The following CIMAP2 variants were observed in gnomAD, a reference collection of about 807,000 sequenced individuals.
The protein encoded by CIMAP2 is ciliary microtubule associated protein 2.
At chr1:54,821,007 G>C in the CIMAP2 span, among the ~76,000 whole-genome samples, 1 of 152,086 alleles carries the variant, frequency 6.6e-6, no homozygotes, top group Non-Finnish European at 1.5e-5. Flanking sequence ...GACCTCAGGT[G>C]ATCCGCCCAC....
chr1:54,831,210 G>A, the CIMAP2 span, among the ~76,000 whole-genome samples: 2 of 152,194 alleles, frequency 1.3e-5, no homozygotes, highest in African/African-American at 4.8e-5. Context: ...ACTTTGTAGA[G>A]TCCTCTATGT....
chr1:54,817,323 G>T, the CIMAP2 span, among the ~76,000 whole-genome samples: 1 of 152,218 alleles, frequency 6.6e-6, no homozygotes, highest in Non-Finnish European at 1.5e-5. Context: ...GGTGGGGCAT[G>T]CTGCGTAACT....
chr1:54,832,894 A>G, the CIMAP2 span, among the ~76,000 whole-genome samples: 1 of 151,902 alleles, frequency 6.6e-6, no homozygotes, highest in East Asian at 1.9e-4. Flanking sequence ...GGGTGTGGTG[A>G]TGTGCACCTG....
the CIMAP2 span, chr1:54,811,765 G>GCCGGGGGGGGGGGGGGGGCCGGCC: frequency 7.7e-7 from 1 of 1,301,332 alleles, no homozygotes; most frequent in Non-Finnish European, 1.1e-6. Context: ...GGTTCTGACA[G>GCCGGGGGGGGGGGGGGGGCCGGCC]CCTCCATGCC....
the CIMAP2 span, chr1:54,811,765 G>GCCGGGGGGGGGGCGGCCCCCCCCCCCCCC: frequency 7.7e-7 from 1 of 1,301,330 alleles, no homozygotes; most frequent in Non-Finnish European, 1.1e-6. Flanking sequence ...GGTTCTGACA[G>GCCGGGGGGGGGGCGGCCCCCCCCCCCCCC]CCTCCATGCC....
chr1:54,811,787 C>T, the CIMAP2 span: 1 of 1,541,158 alleles, frequency 6.5e-7, no homozygotes, highest in Non-Finnish European at 8.9e-7. Context: ...CCACCCCCGC[C>T]CCACAGAACT....
chr1:54,823,124 G>A, the CIMAP2 span, among the ~76,000 whole-genome samples: 316 of 151,762 alleles, frequency 2.1e-3, no homozygotes, highest in African/African-American at 7.3e-3. Flanking sequence ...TCATTTTTTC[G>A]TTGATTTTCT....
the CIMAP2 span, among the ~76,000 whole-genome samples, chr1:54,816,236 C>G: frequency 0.094 from 14,300 of 152,300 alleles, 884 homozygotes; most frequent in Non-Finnish European, 0.13. Context: ...CCTCATGAAA[C>G]AGGCTTCTCC....
At chr1:54,824,466 T>C in the CIMAP2 span, among the ~76,000 whole-genome samples, 1 of 152,206 alleles carries the variant, frequency 6.6e-6, no homozygotes, top group African/African-American at 2.4e-5. Flanking sequence ...TCAGCTATTA[T>C]TTCATTAAAT....
At chr1:54,807,417 G>C in the CIMAP2 span, 6 of 1,333,668 alleles carry the variant, frequency 4.5e-6, no homozygotes, top group South Asian at 9.5e-5. Context: ...GCCACAGGGG[G>C]ATTGCCTACT....
At chr1:54,815,177 G>A in the CIMAP2 span, 4 of 1,289,876 alleles carry the variant, frequency 3.1e-6, no homozygotes, top group Non-Finnish European at 4.3e-6. Context: ...AGGGACCTGA[G>A]GTCCACTCCC....
At chr1:54,833,273 C>A in the CIMAP2 span, among the ~76,000 whole-genome samples, 1 of 152,178 alleles carries the variant, frequency 6.6e-6, no homozygotes, top group Non-Finnish European at 1.5e-5. Context: ...AGTCCCGCAG[C>A]TGAACAGAGA....
the CIMAP2 span, among the ~76,000 whole-genome samples, chr1:54,826,181 G>A: frequency 3.9e-5 from 6 of 152,188 alleles, no homozygotes; most frequent in African/African-American, 1.4e-4. Flanking sequence ...CTGGAACAGT[G>A]TGCAGGTGTG....
At chr1:54,819,836 T>TTCTCTTTCTTTCTTTCCTTCCTTCCTTCC in the CIMAP2 span, among the ~76,000 whole-genome samples, 2 of 98,776 alleles carry the variant, frequency 2.0e-5, no homozygotes, top group Non-Finnish European at 3.9e-5. Context: ...CTTTCTTTCT[T>TTCTCTTTCTTTCTTTCCTTCCTTCCTTCC]TCTCTTTCTT....
the CIMAP2 span, chr1:54,811,765 G>GCGGGGGGGGGGGGGGGCCCCCCCCCCCCC: frequency 7.7e-7 from 1 of 1,301,332 alleles, no homozygotes; most frequent in Non-Finnish European, 1.1e-6. Context: ...GGTTCTGACA[G>GCGGGGGGGGGGGGGGGCCCCCCCCCCCCC]CCTCCATGCC....
At chr1:54,808,005 C>T in the CIMAP2 span, 1 of 1,569,912 alleles carries the variant, frequency 6.4e-7, no homozygotes, top group Non-Finnish European at 8.6e-7. Context: ...TCCGAGGACT[C>T]ACTGGGGTAG....
the CIMAP2 span, chr1:54,815,131 TTGAG>T: frequency 6.5e-7 from 1 of 1,541,750 alleles, no homozygotes; most frequent in Non-Finnish European, 8.8e-7. Flanking sequence ...AACCGATGCT[TTGAG>T]TGAGCCATAT....
chr1:54,808,237 G>T, the CIMAP2 span, among the ~76,000 whole-genome samples: 2 of 152,294 alleles, frequency 1.3e-5, no homozygotes, highest in Admixed American at 1.3e-4. Context: ...GTAGTACAAA[G>T]AAGGAAATAT....
At chr1:54,810,245 G>T in the CIMAP2 span, among the ~76,000 whole-genome samples, 7 of 152,302 alleles carry the variant, frequency 4.6e-5, no homozygotes, top group East Asian at 1.9e-4. Flanking sequence ...GCTCAGAAAG[G>T]TTGTGGATTT....
Sources: gnomAD v4.1 joint callset for allele counts (sites outside exome capture counted in the v4.1 genomes callset) on GRCh38, gnomAD v4.1.1 for gene constraint, MANE v1.5 for transcripts, NCBI Gene and HGNC (gene_info 2026-07-23, HGNC 2026-07-21) for gene names.